The following MIPOL1 variants were observed in gnomAD, a reference collection of about 807,000 sequenced individuals.
MIPOL1 encodes the protein mirror-image polydactyly gene 1 protein.
A neutral mutation model predicts 60.9 loss-of-function variants in MIPOL1; 57 were observed. The observed-to-expected ratio is 0.94, with a 90% confidence interval of 0.76 to 1.17. The LOEUF (loss-of-function observed/expected upper bound fraction) is 1.17, where lower values mean the gene tolerates loss of function less well. Ranked by LOEUF, MIPOL1 falls within the 50% of genes most tolerant of loss-of-function variation. MIPOL1 has a pLI of 0.00. For missense variants in MIPOL1, 551 were observed against 511.6 expected (o/e 1.08, Z -0.74); for synonymous variants, 179 against 168.8 (o/e 1.06, Z -0.47).
chr14:37,407,189 C>T (rs1001626885), intron 10 of MIPOL1, among the ~76,000 whole-genome samples: 3 of 152,094 alleles, frequency 2.0e-5, no homozygotes, highest in Non-Finnish European at 4.4e-5. Flanking sequence ...AACAGTGTCA[C>T]CTCTGGAGTT....
intron 9 of MIPOL1, among the ~76,000 whole-genome samples, chr14:37,318,717 G>GT (rs1231505350): frequency 2.6e-5 from 4 of 152,026 alleles, no homozygotes; most frequent in African/African-American, 4.8e-5. Context: ...ATATTGTATT[G>GT]TATATACTAC....
intron 1 of MIPOL1, among the ~76,000 whole-genome samples, chr14:37,229,314 G>A (rs1029111626): frequency 1.3e-5 from 2 of 152,020 alleles, no homozygotes; most frequent in Non-Finnish European, 2.9e-5. Context: ...ACCACACCCA[G>A]CTAGTATTTT....
rs112634333 is a variant in MIPOL1, at chr14:37,256,760, A to T, written c.19+8853A>T. 3.0e-3 allele frequency among the ~76,000 whole-genome samples: 342 copies of T among 115,844 alleles called. 1 individual carries two copies. Among genetic ancestry groups the T allele is most frequent in the African/African-American group, 8.8e-3 (320 of 36,214 alleles). 76.0% of individuals were successfully genotyped at this position (115,844 alleles called of 152,430 possible). ...AATGCAGTAGAAACCAGCATCAGAGACTTCCTCTGCATTTTTAATAGGACT... is the reference window on the plus strand; with the variant it reads ...AATGCAGTAGAAACCAGCATCAGAGTCTTCCTCTGCATTTTTAATAGGACT... On this transcript the variant is annotated intron_variant, in intron 3 of 12. Transcript: ENST00000684589.
intron 10 of MIPOL1, among the ~76,000 whole-genome samples, chr14:37,402,732 A>G (rs2093508825): frequency 6.6e-6 from 1 of 152,212 alleles, no homozygotes; most frequent in Non-Finnish European, 1.5e-5. Flanking sequence ...TAGCAATCAG[A>G]TGTTCATTAT....
intron 10 of MIPOL1, among the ~76,000 whole-genome samples, chr14:37,371,242 C>T (rs1434130205): frequency 6.6e-6 from 1 of 151,762 alleles, no homozygotes; most frequent in African/African-American, 2.4e-5. Flanking sequence ...GCCTCAGCCT[C>T]CCGGGTAGCT....
chr14:37,497,225 T>C (rs2095144988), intron 11 of MIPOL1, among the ~76,000 whole-genome samples: 2 of 152,286 alleles, frequency 1.3e-5, no homozygotes, highest in Admixed American at 6.5e-5. Context: ...ATTCAGGACA[T>C]AGGCATGGGC....
intron 1 of MIPOL1, among the ~76,000 whole-genome samples, chr14:37,232,955 T>C (rs530215451): frequency 3.3e-5 from 5 of 152,226 alleles, no homozygotes; most frequent in Non-Finnish European, 7.3e-5. Context: ...AGTGAGTATA[T>C]AAGTCTTCTC....
chr14:37,338,599 G>C (rs1020783432), intron 9 of MIPOL1, among the ~76,000 whole-genome samples: 7 of 151,852 alleles, frequency 4.6e-5, no homozygotes, highest in African/African-American at 1.7e-4. Context: ...AGTTGAGACA[G>C]GCTTTTGCCG....
In MIPOL1 at chr14:37,388,157, T is replaced by TA. The variant is rs556756255; in HGVS notation, c.936+18544dup. ...CGTCAGACTCTCATCTTAGAAAGGATAAAAAAAAAAACTTGAGGTAATCAG... is the reference window on the plus strand; with the variant it reads ...CGTCAGACTCTCATCTTAGAAAGGATAAAAAAAAAAAACTTGAGGTAATCAG... On this transcript the variant is annotated intron_variant, in intron 10 of 12. Coordinates refer to ENST00000684589, the MANE Select transcript of MIPOL1 (RefSeq NM_001388067.1). Among the ~76,000 whole-genome samples the TA allele has an allele frequency of 4.2e-3, 603 of 144,990 alleles. 3 individuals are homozygous for TA. The highest frequency in any genetic ancestry group is 0.011 in the African/African-American group (426 of 39,888).
chr14:37,331,661 T>A (rs972374740), intron 9 of MIPOL1, among the ~76,000 whole-genome samples: 3 of 152,194 alleles, frequency 2.0e-5, no homozygotes, highest in Admixed American at 2.0e-4. Flanking sequence ...TTCTAATAGT[T>A]TTTTTGTGTA....
At chr14:37,382,858 T>G (rs1290709808) in intron 10 of MIPOL1, among the ~76,000 whole-genome samples, 4 of 151,970 alleles carry the variant, frequency 2.6e-5, no homozygotes, top group Non-Finnish European at 5.9e-5. Flanking sequence ...GGAAAATCAC[T>G]CTTGCCTACT....
intron 11 of MIPOL1, among the ~76,000 whole-genome samples, chr14:37,479,768 G>A (rs2094833374): frequency 6.6e-6 from 1 of 151,868 alleles, no homozygotes; most frequent in East Asian, 1.9e-4. Context: ...TTTTTAAAAA[G>A]ATAAACAAAA....
At chr14:37,508,736 A>G (rs977346194) in intron 12 of MIPOL1, among the ~76,000 whole-genome samples, 1 of 152,156 alleles carries the variant, frequency 6.6e-6, no homozygotes, top group African/African-American at 2.4e-5. Context: ...TTCACTCCAC[A>G]CTGTACTATC....
chr14:37,466,098 CAG>C (rs2094595264), intron 11 of MIPOL1, among the ~76,000 whole-genome samples: 1 of 152,108 alleles, frequency 6.6e-6, no homozygotes, highest in Non-Finnish European at 1.5e-5. Flanking sequence ...CTGATTTTTC[CAG>C]AGTGTCTTGC....
chr14:37,247,284 G>T (rs1490052262), intron 2 of MIPOL1, 44 bp downstream of exon 2: 2 of 152,360 alleles, frequency 1.3e-5, no homozygotes, highest in Non-Finnish European at 2.9e-5. Context: ...AAAAAAACTT[G>T]CATAGTGTTT....
intron 10 of MIPOL1, among the ~76,000 whole-genome samples, chr14:37,398,617 A>G (rs2093423075): frequency 1.3e-5 from 2 of 152,308 alleles, no homozygotes; most frequent in Admixed American, 6.5e-5. Context: ...TAAAGAAAAA[A>G]CATTAAACAG....
chr14:37,259,374 G>A (rs1203376183), intron 3 of MIPOL1, among the ~76,000 whole-genome samples: 1 of 151,882 alleles, frequency 6.6e-6, no homozygotes, highest in Non-Finnish European at 1.5e-5. Flanking sequence ...GACCAGCCTG[G>A]GCAACATAGG....
intron 1 of MIPOL1, among the ~76,000 whole-genome samples, chr14:37,200,293 C>G (rs1202196130): frequency 2.0e-5 from 3 of 152,050 alleles, no homozygotes; most frequent in Admixed American, 2.0e-4. Flanking sequence ...GTTCCCAACC[C>G]TTTAAATATG....
At position 37,308,369 on chromosome 14, in the gene MIPOL1, C is replaced by T. The variant is rs1211045762; in HGVS notation, c.678C>T (p.Asn226=). 1 of 1,563,874 alleles carries T rather than the reference C, an allele frequency of 6.4e-7. No homozygotes were observed. The part of the protein sequence containing the change: ...ENDMTLQELL[N]RINNADTGIA... ...GGTAGACATTACAGGAATTACTGAA[C>T]AGAATAAACAATGCAGACACAGGGA... Residue 226 remains asparagine (N), a synonymous_variant, in exon 9 of 13, where the codon AAC becomes AAT. Coordinates refer to ENST00000684589, the MANE Select transcript of MIPOL1 (RefSeq NM_001388067.1).
Sources: allele counts gnomAD v4.1 joint callset (sites outside exome capture counted in the v4.1 genomes callset), GRCh38; gene constraint gnomAD v4.1.1; transcripts MANE v1.5; gene names NCBI Gene and HGNC (gene_info 2026-07-23, HGNC 2026-07-21).